PRKG1: variants seen among roughly 807,000 people sequenced by gnomAD.
The protein encoded by PRKG1 is cGMP-dependent protein kinase 1.
PRKG1 carries 35 observed loss-of-function variants against 88.1 expected under a neutral mutation model. The ratio of observed to expected loss-of-function variants is 0.40; its 90% CI spans 0.30 to 0.53. The LOEUF (loss-of-function observed/expected upper bound fraction) is 0.53. PRKG1 is among the 20% of genes least tolerant of loss of function. The pLI, the probability that PRKG1 is intolerant of heterozygous loss-of-function variation, is 0.59. For missense variants in PRKG1, 540 were observed against 839.8 expected, an observed-to-expected ratio of 0.64 and a Z score of 4.41; for synonymous variants, 303 against 292.5, an observed-to-expected ratio of 1.04 and a Z score of -0.37.
intron 3 of PRKG1, among the ~76,000 whole-genome samples, chr10:51,643,528 CTT>C (rs1279481115): frequency 6.6e-6 from 1 of 152,088 alleles, no homozygotes; most frequent in Non-Finnish European, 1.5e-5. Context: ...TTTTTATAAA[CTT>C]GACATTTAAA....
intron 3 of PRKG1, among the ~76,000 whole-genome samples, chr10:51,778,894 C>A (rs1455204849): frequency 6.6e-6 from 1 of 152,098 alleles, no homozygotes; most frequent in African/African-American, 2.4e-5. Context: ...AAGCCAAAAG[C>A]TGTTCTACTA....
rs1030840428 is a variant in PRKG1 at position 51,297,423 on chromosome 10, GT to G, written c.478+144096del. Among the ~76,000 whole-genome samples, 37 of 151,982 alleles carry G rather than the reference GT, an allele frequency of 2.4e-4. 1 individual carries two copies. Among genetic ancestry groups the G allele is most frequent in the Non-Finnish European group, 4.4e-5 (3 of 67,910 alleles). The stretch of plus-strand genomic sequence containing the variant: ...ATCTGTTACCAGCTCTTTGCTACTG[GT>G]TTATCTTTTTTCCTTTTAAAACGTG... On this transcript the variant is annotated intron_variant, in intron 2 of 17. Transcript: ENST00000373980.
chr10:51,192,862 A>T (rs1007682593), intron 2 of PRKG1, among the ~76,000 whole-genome samples: 9 of 151,974 alleles, frequency 5.9e-5, no homozygotes, highest in African/African-American at 2.2e-4. Flanking sequence ...CAAGTCATTC[A>T]TTCATTCACT....
intron 3 of PRKG1, among the ~76,000 whole-genome samples, chr10:51,648,724 A>G (rs1024547868): frequency 1.3e-5 from 2 of 152,190 alleles, no homozygotes; most frequent in African/African-American, 4.8e-5. Flanking sequence ...GTGACGTTTA[A>G]TATTCAATTA....
At chr10:51,697,444 T>C (rs1841325197) in intron 3 of PRKG1, 2 of 480,326 alleles carry the variant, frequency 4.2e-6, no homozygotes, top group South Asian at 6.2e-5. Context: ...TGTAATCTTA[T>C]TTGGCATAAT....
chr10:51,870,849 T>C (rs1841138542), intron 4 of PRKG1, among the ~76,000 whole-genome samples: 1 of 152,196 alleles, frequency 6.6e-6, no homozygotes, highest in Non-Finnish European at 1.5e-5. Context: ...TGACTGAAGA[T>C]CCAACTCAGA....
intron 4 of PRKG1, among the ~76,000 whole-genome samples, chr10:51,866,987 C>T (rs115254113): frequency 1.6e-3 from 246 of 152,206 alleles, no homozygotes; most frequent in African/African-American, 5.5e-3. Flanking sequence ...GTCATTAAAG[C>T]GTACTTAACC....
intron 10 of PRKG1, among the ~76,000 whole-genome samples, chr10:52,253,674 T>C (rs551826675): frequency 6.6e-6 from 1 of 151,994 alleles, no homozygotes; most frequent in African/African-American, 2.4e-5. Flanking sequence ...AAATACCAGA[T>C]AGCCTAATTT....
intron 2 of PRKG1, among the ~76,000 whole-genome samples, chr10:51,413,148 C>A (rs1838143283): frequency 6.6e-6 from 1 of 152,110 alleles, no homozygotes; most frequent in South Asian, 2.1e-4. Flanking sequence ...TTTGCTATTT[C>A]CCATTCCAAA....
chr10:51,505,243 C>T (rs954493969), intron 3 of PRKG1, among the ~76,000 whole-genome samples: 6 of 152,052 alleles, frequency 3.9e-5, no homozygotes, highest in South Asian at 2.1e-4. Context: ...GTGGTTTTGT[C>T]GTTGGTTCTG....
At chr10:52,117,164 C>G (rs374434969) in intron 7 of PRKG1, among the ~76,000 whole-genome samples, 17 of 139,318 alleles carry the variant, frequency 1.2e-4, no homozygotes, top group African/African-American at 2.7e-4. Flanking sequence ...TGTGAAATAT[C>G]TGTGTGTGTG....
At position 52,151,250 on chromosome 10, in the gene PRKG1, G is replaced by A. The variant is rs543724687; in HGVS notation, c.1002-10639G>A. Among the ~76,000 whole-genome samples the A allele has an allele frequency of 4.8e-4, 73 of 151,938 alleles. 1 individual carries two copies. The highest frequency in any genetic ancestry group is 3.3e-3 in the Admixed American group (51 of 15,238). On this transcript the variant is annotated intron_variant, in intron 8 of 17. Coordinates refer to ENST00000373980, the MANE Select transcript of PRKG1 (RefSeq NM_006258.4). ...CACCCTCCTCTCACCTTTCACCCTC[G>A]GGTGGGCCCTAGTGTCGGTTTTTTC...
chr10:51,861,157 A>G (rs921090517), intron 4 of PRKG1, among the ~76,000 whole-genome samples: 3 of 152,200 alleles, frequency 2.0e-5, no homozygotes, highest in Non-Finnish European at 2.9e-5. Flanking sequence ...TTAAGTGGCA[A>G]ACATTCAAAC....
At chr10:51,392,661 G>C (rs7077979) in intron 2 of PRKG1, among the ~76,000 whole-genome samples, 103,918 of 150,228 alleles carry the variant, frequency 0.69, 37,039 homozygotes, top group Non-Finnish European at 0.79. Context: ...CCTCCCAGAC[G>C]GGGTGGTGGC....
rs865900150 is a variant in PRKG1, at chr10:51,233,330, A to G, written c.478+80000A>G. Among the ~76,000 whole-genome samples, 4 of 152,206 alleles carry G rather than the reference A, an allele frequency of 2.6e-5. No homozygotes were observed. The South Asian group carries it at 6.2e-4, about 24-fold the overall frequency. ...CTTCATGAGAACACCCCATTTTACA[A>G]TATAATCCTGTGTGCATAACTATGA... On this transcript the variant is annotated intron_variant, in intron 2 of 17. Transcript: ENST00000373980.
At chr10:51,721,688 T>C (rs1842016859) in intron 3 of PRKG1, among the ~76,000 whole-genome samples, 1 of 152,194 alleles carries the variant, frequency 6.6e-6, no homozygotes. Flanking sequence ...TATTTTAATC[T>C]GCTGTGTAGC....
chr10:51,887,325 A>G (rs1247117795), intron 4 of PRKG1, among the ~76,000 whole-genome samples: 1 of 152,064 alleles, frequency 6.6e-6, no homozygotes, highest in Non-Finnish European at 1.5e-5. Context: ...TATAAGTGAC[A>G]TTTAGATTGT....
chr10:52,264,599 G>A (rs1031874706), intron 10 of PRKG1, among the ~76,000 whole-genome samples: 2 of 152,008 alleles, frequency 1.3e-5, no homozygotes, highest in African/African-American at 4.8e-5. Context: ...ATGGCTTTAT[G>A]CTTCACCAAA....
intron 2 of PRKG1, among the ~76,000 whole-genome samples, chr10:51,307,456 T>C (rs1456440409): frequency 6.6e-6 from 1 of 152,198 alleles, no homozygotes; most frequent in East Asian, 1.9e-4. Context: ...TCTGTTTTAT[T>C]GACTCTCCTT....
Sources: allele counts gnomAD v4.1 joint callset (sites outside exome capture counted in the v4.1 genomes callset), GRCh38; gene constraint gnomAD v4.1.1; transcripts MANE v1.5; gene names NCBI Gene and HGNC (gene_info 2026-07-23, HGNC 2026-07-21).